MIPOL1: variants seen among roughly 807,000 people sequenced by gnomAD.
The protein encoded by MIPOL1 is mirror-image polydactyly 1, also known as mirror-image polydactyly gene 1 protein.
Under a neutral mutation model 60.9 loss-of-function variants are expected in MIPOL1, and 57 were observed. The ratio of observed to expected loss-of-function variants is 0.94; its 90% CI spans 0.76 to 1.17. The LOEUF (loss-of-function observed/expected upper bound fraction) is 1.17, where lower values mean the gene tolerates loss of function less well. Among genes scored for constraint, MIPOL1 ranks in the 50% most tolerant of loss-of-function variants. The pLI, the probability that MIPOL1 is intolerant of heterozygous loss-of-function variation, is 0.00. For synonymous variants in MIPOL1, 179 were observed against 168.8 expected (o/e 1.06, Z -0.47); for missense variants, 551 against 511.6 (o/e 1.08, Z -0.74).
intron 7 of MIPOL1, among the ~76,000 whole-genome samples, chr14:37,290,382 C>T (rs775872839): frequency 4.6e-5 from 7 of 152,084 alleles, no homozygotes; most frequent in Non-Finnish European, 1.0e-4. Flanking sequence ...AGTGCCACCA[C>T]ACCTGGCTAA....
intron 10 of MIPOL1, among the ~76,000 whole-genome samples, chr14:37,403,953 C>G (rs1376198703): frequency 6.6e-6 from 1 of 152,074 alleles, no homozygotes; most frequent in Admixed American, 6.6e-5. Flanking sequence ...TTGTAGACAC[C>G]TCTTTTGTAG....
chr14:37,314,998 A>G (rs538262174), intron 9 of MIPOL1, among the ~76,000 whole-genome samples: 6 of 151,916 alleles, frequency 3.9e-5, no homozygotes, highest in Admixed American at 1.3e-4. Flanking sequence ...ATGTTTTCAT[A>G]TGGAAATGTA....
chr14:37,491,713 A>G (rs904567987), intron 11 of MIPOL1, among the ~76,000 whole-genome samples: 1 of 152,136 alleles, frequency 6.6e-6, no homozygotes, highest in Non-Finnish European at 1.5e-5. Context: ...CCAGTTTAAA[A>G]TTCTTGAAAT....
intron 10 of MIPOL1, among the ~76,000 whole-genome samples, chr14:37,378,775 C>G (rs2092845721): frequency 6.6e-6 from 1 of 151,644 alleles, no homozygotes; most frequent in African/African-American, 2.4e-5. Context: ...ATACAGGCCA[C>G]TAAAATTGAC....
intron 11 of MIPOL1, among the ~76,000 whole-genome samples, chr14:37,495,854 T>C (rs1209163035): frequency 1.3e-5 from 2 of 151,644 alleles, no homozygotes; most frequent in Non-Finnish European, 2.9e-5. Context: ...ATTGTGGTTT[T>C]GATTTGCATT....
intron 9 of MIPOL1, among the ~76,000 whole-genome samples, chr14:37,347,933 C>G (rs1432877152): frequency 1.3e-5 from 2 of 152,030 alleles, no homozygotes; most frequent in African/African-American, 2.4e-5. Flanking sequence ...ATTTTAGATT[C>G]ATGGGGTACA....
chr14:37,260,441 A>G (rs1179382185), intron 3 of MIPOL1, among the ~76,000 whole-genome samples: 1 of 152,156 alleles, frequency 6.6e-6, no homozygotes, highest in Admixed American at 6.6e-5. Context: ...ACATCTGTGT[A>G]ACTATTCTCT....
chr14:37,287,909 G>A (rs748242576), intron 7 of MIPOL1, among the ~76,000 whole-genome samples: 2 of 151,766 alleles, frequency 1.3e-5, no homozygotes, highest in Non-Finnish European at 1.5e-5. Context: ...AATTACAGGT[G>A]TGAGCCACCA....
intron 12 of MIPOL1, among the ~76,000 whole-genome samples, chr14:37,542,132 CCAAAT>C (rs1315503166): frequency 2.0e-5 from 3 of 152,150 alleles, no homozygotes; most frequent in Non-Finnish European, 2.9e-5. Context: ...TCACTTCCTG[CCAAAT>C]CAAATGGACA....
intron 10 of MIPOL1, among the ~76,000 whole-genome samples, chr14:37,373,543 C>T (rs963576411): frequency 2.0e-5 from 3 of 152,002 alleles, no homozygotes; most frequent in African/African-American, 7.2e-5. Context: ...CCTAGCGCCC[C>T]AACCCCCAAC....
chr14:37,256,474 A>G (rs1974937391), intron 3 of MIPOL1, among the ~76,000 whole-genome samples: 1 of 151,960 alleles, frequency 6.6e-6, no homozygotes, highest in Non-Finnish European at 1.5e-5. Flanking sequence ...AGATCAGATG[A>G]TTTTTAAATG....
At chr14:37,323,526 G>A (rs557360596) in intron 9 of MIPOL1, among the ~76,000 whole-genome samples, 4 of 151,754 alleles carry the variant, frequency 2.6e-5, no homozygotes, top group Admixed American at 1.3e-4. Context: ...GAGTGCTTTT[G>A]TTATTTTGGT....
intron 9 of MIPOL1, among the ~76,000 whole-genome samples, chr14:37,337,360 T>TA (rs2090239722): frequency 1.7e-5 from 1 of 57,764 alleles, no homozygotes; most frequent in Non-Finnish European, 3.2e-5. Context: ...ATATATATTT[T>TA]TTTTTTTTTT....
At chr14:37,458,072 TAAA>T (rs563916343) in intron 11 of MIPOL1, among the ~76,000 whole-genome samples, 1 of 142,560 alleles carries the variant, frequency 7.0e-6, no homozygotes, top group South Asian at 2.2e-4. Context: ...TCAAAAACAG[TAAA>T]AAAAAAAGAT....
chr14:37,320,476 T>C (rs1212107707), intron 9 of MIPOL1, among the ~76,000 whole-genome samples: 1 of 152,116 alleles, frequency 6.6e-6, no homozygotes, highest in Non-Finnish European at 1.5e-5. Context: ...TCTTCGAGGC[T>C]ATTGTCCATT....
At chr14:37,259,987 G>A (rs1184433867) in intron 3 of MIPOL1, among the ~76,000 whole-genome samples, 1 of 152,082 alleles carries the variant, frequency 6.6e-6, no homozygotes, top group Non-Finnish European at 1.5e-5. Context: ...AGCAGATAGA[G>A]TTTTTAATTT....
chr14:37,275,854 G>A (rs187651568), intron 6 of MIPOL1, among the ~76,000 whole-genome samples: 108 of 151,152 alleles, frequency 7.1e-4, no homozygotes, highest in African/African-American at 2.5e-3. Flanking sequence ...GAAGGTTGGA[G>A]CATGGAGAGA....
At chr14:37,272,251 C>T (rs1282169258) in intron 6 of MIPOL1, among the ~76,000 whole-genome samples, 1 of 151,472 alleles carries the variant, frequency 6.6e-6, no homozygotes, top group Non-Finnish European at 1.5e-5. Context: ...ATAAAAATGA[C>T]ACAAAATGAA....
intron 9 of MIPOL1, among the ~76,000 whole-genome samples, chr14:37,356,871 G>T (rs187126444): frequency 2.0e-5 from 3 of 152,294 alleles, no homozygotes; most frequent in East Asian, 1.9e-4. Flanking sequence ...TGTCTTCCCC[G>T]TCGGCCACGC....
Sources: gnomAD v4.1 joint callset for allele counts (sites outside exome capture counted in the v4.1 genomes callset) on GRCh38, gnomAD v4.1.1 for gene constraint, MANE v1.5 for transcripts, NCBI Gene and HGNC (gene_info 2026-07-23, HGNC 2026-07-21) for gene names.